The following NCAM2 variants were observed in gnomAD, a reference collection of about 807,000 sequenced individuals.
The protein encoded by NCAM2 is N-CAM-2.
NCAM2 carries 30 observed loss-of-function variants against 98.1 expected under a neutral mutation model. That is an observed-to-expected ratio of 0.31 (90% confidence interval 0.23 to 0.41). NCAM2 has a LOEUF of 0.41. NCAM2 is among the 10% of genes least tolerant of loss of function. The pLI, the probability that NCAM2 is intolerant of heterozygous loss-of-function variation, is 1.00. For synonymous variants in NCAM2, 368 were observed against 342.4 expected (o/e 1.07, Z -0.83); for missense variants, 867 against 1,005.8 (o/e 0.86, Z 1.87).
intron 1 of NCAM2, among the ~76,000 whole-genome samples, chr21:21,160,353 A>G (rs1222882341): frequency 6.6e-6 from 1 of 151,952 alleles, no homozygotes; most frequent in African/African-American, 2.4e-5. Flanking sequence ...AGCATAAAAT[A>G]CTTGTTTTCA....
chr21:21,386,737 T>TA (rs1474609483), intron 9 of NCAM2, among the ~76,000 whole-genome samples: 1 of 151,812 alleles, frequency 6.6e-6, no homozygotes, highest in Non-Finnish European at 1.5e-5. Context: ...TCAGATCTTG[T>TA]TAAAATGTAT....
intron 1 of NCAM2, among the ~76,000 whole-genome samples, chr21:21,197,939 A>G (rs1259844765): frequency 1.3e-5 from 2 of 152,160 alleles, no homozygotes; most frequent in Non-Finnish European, 2.9e-5. Context: ...TGTTGCCTTT[A>G]CTGTTACTAT....
chr21:21,115,954 ATT>A (rs1323364106), intron 1 of NCAM2, among the ~76,000 whole-genome samples: 5 of 83,626 alleles, frequency 6.0e-5, no homozygotes, highest in African/African-American at 1.7e-4. Flanking sequence ...CTTCTCTGAG[ATT>A]TTGTGTGTGT....
chr21:21,183,423 G>A (rs2068541652), intron 1 of NCAM2, among the ~76,000 whole-genome samples: 1 of 152,126 alleles, frequency 6.6e-6, no homozygotes, highest in African/African-American at 2.4e-5. Context: ...TCTTTACTGT[G>A]AAGTGAATTT....
chr21:21,492,570 T>C (rs1238167005), intron 15 of NCAM2, among the ~76,000 whole-genome samples: 1 of 151,920 alleles, frequency 6.6e-6, no homozygotes, highest in Non-Finnish European at 1.5e-5. Context: ...CATATTTTGA[T>C]AACACCTTAC....
chr21:21,312,753 C>A (rs1186414078), intron 5 of NCAM2, among the ~76,000 whole-genome samples: 2 of 151,734 alleles, frequency 1.3e-5, no homozygotes, highest in African/African-American at 4.8e-5. Flanking sequence ...GAAAAACATT[C>A]CCTCCTCTTA....
At chr21:21,463,943 C>G (rs1983337351) in intron 12 of NCAM2, 1 of 151,788 alleles carries the variant, frequency 6.6e-6, no homozygotes, top group Non-Finnish European at 1.5e-5. Context: ...GTAGGTTTGC[C>G]CTGGTACTTT....
At chr21:21,235,355 TTTTA>T (rs1400172503) in intron 1 of NCAM2, among the ~76,000 whole-genome samples, 1 of 152,016 alleles carries the variant, frequency 6.6e-6, no homozygotes, top group Non-Finnish European at 1.5e-5. Context: ...TAAGAAATAG[TTTTA>T]TTTATTTCTT....
chr21:21,414,084 T>C (rs951101611), intron 10 of NCAM2, among the ~76,000 whole-genome samples: 1 of 152,238 alleles, frequency 6.6e-6, no homozygotes, highest in African/African-American at 2.4e-5. Flanking sequence ...GAGTAAATTC[T>C]ACCACCAGAA....
At chr21:21,510,066 T>C (rs1988263663) in intron 16 of NCAM2, among the ~76,000 whole-genome samples, 1 of 152,194 alleles carries the variant, frequency 6.6e-6, no homozygotes, top group Admixed American at 6.6e-5. Flanking sequence ...CATTTTGTGC[T>C]ATTTTGTCAT....
intron 8 of NCAM2, among the ~76,000 whole-genome samples, chr21:21,339,045 C>T (rs1007257539): frequency 2.6e-5 from 4 of 152,060 alleles, no homozygotes; most frequent in Middle Eastern, 3.2e-3. Context: ...TTGGGATTGG[C>T]GAAGAAGATT....
At chr21:21,060,326 A>G (rs1470108097) in intron 1 of NCAM2, among the ~76,000 whole-genome samples, 1 of 152,146 alleles carries the variant, frequency 6.6e-6, no homozygotes, top group Non-Finnish European at 1.5e-5. Context: ...ATATGCAAAC[A>G]TATTATGTTT....
chr21:21,425,704 G>A (rs1238619778), intron 11 of NCAM2, among the ~76,000 whole-genome samples: 1 of 152,142 alleles, frequency 6.6e-6, no homozygotes, highest in Non-Finnish European at 1.5e-5. Context: ...AAGGATAAAT[G>A]TAAATATAAT....
At chr21:21,320,685 T>C (rs981664888) in intron 5 of NCAM2, among the ~76,000 whole-genome samples, 2 of 152,160 alleles carry the variant, frequency 1.3e-5, no homozygotes, top group Admixed American at 6.5e-5. Context: ...TTCTCCATAA[T>C]TGAGATGTCT....
At chr21:21,315,066 AC>A (rs979335454) in intron 5 of NCAM2, among the ~76,000 whole-genome samples, 9 of 152,110 alleles carry the variant, frequency 5.9e-5, no homozygotes, top group African/African-American at 1.9e-4. Flanking sequence ...GAAAATGCTC[AC>A]TTTTTTTGTT....
chr21:21,317,060 G>A (rs1601955084), intron 5 of NCAM2, among the ~76,000 whole-genome samples: 1 of 152,006 alleles, frequency 6.6e-6, no homozygotes, highest in African/African-American at 2.4e-5. Context: ...AAACTCCAAG[G>A]GCAATACAAG....
chr21:21,154,278 T>C (rs1047803592), intron 1 of NCAM2, among the ~76,000 whole-genome samples: 6 of 151,894 alleles, frequency 4.0e-5, no homozygotes, highest in African/African-American at 1.4e-4. Flanking sequence ...TAAAAAGTTT[T>C]ATGAGCTTTG....
intron 12 of NCAM2, among the ~76,000 whole-genome samples, chr21:21,447,552 A>T (rs897717970): frequency 6.6e-6 from 1 of 152,156 alleles, no homozygotes; most frequent in Non-Finnish European, 1.5e-5. Context: ...GACAAATGGG[A>T]TTTAACTAAA....
intron 1 of NCAM2, among the ~76,000 whole-genome samples, chr21:21,192,853 A>G (rs954393449): frequency 1.3e-5 from 2 of 152,164 alleles, no homozygotes; most frequent in Non-Finnish European, 2.9e-5. Flanking sequence ...GAGTCTTGAA[A>G]GAAAGAGGTT....
Sources: gnomAD v4.1 joint callset for allele counts (sites outside exome capture counted in the v4.1 genomes callset) on GRCh38, gnomAD v4.1.1 for gene constraint, MANE v1.5 for transcripts, NCBI Gene and HGNC (gene_info 2026-07-23, HGNC 2026-07-21) for gene names.